ZNF773: variants seen among roughly 807,000 people sequenced by gnomAD.
ZNF773 encodes zinc finger protein 419B.
ZNF773 carries 11 observed loss-of-function variants against 12.8 expected under a neutral mutation model. That is an observed-to-expected ratio of 0.86 (90% CI 0.54 to 1.42). ZNF773 has a LOEUF of 1.42. Ranked by LOEUF, ZNF773 falls within the 40% of genes most tolerant of loss-of-function variation. ZNF773 has a pLI of 0.00. For missense variants in ZNF773, 518 were observed against 527.2 expected, an observed-to-expected ratio of 0.98 and a Z score of 0.17; for synonymous variants, 175 against 178.4, an observed-to-expected ratio of 0.98 and a Z score of 0.15.
At chr19:57,511,094 GGCTAGCGTGCAGTGGCATGATCTCA>G (rs1306945290), downstream of ZNF773, among the ~76,000 whole-genome samples, 1 of 149,772 alleles carries the variant, frequency 6.7e-6, no homozygotes, top group Non-Finnish European at 1.5e-5. Context: ...CTGTCACCCA[GGCTAGCGTGCAGTGGCATGATCTCA>G]GCTCACTGCT....
At chr19:57,510,321 CA>C (rs2123278759), downstream of ZNF773, among the ~76,000 whole-genome samples, 1 of 152,208 alleles carries the variant, frequency 6.6e-6, no homozygotes, top group East Asian at 1.9e-4. Flanking sequence ...AAGCATTTTA[CA>C]AAATTCAAAA....
chr19:57,510,256 A>C (rs1235168845), downstream of ZNF773, among the ~76,000 whole-genome samples: 1 of 152,238 alleles, frequency 6.6e-6, no homozygotes, highest in African/African-American at 2.4e-5. Context: ...CAACAATTCA[A>C]ACTCTTTGTT....
At chr19:57,514,813 T>C (rs1447265723), downstream of ZNF773, 7 of 152,236 alleles carry the variant, frequency 4.6e-5, no homozygotes, top group African/African-American at 1.7e-4. Flanking sequence ...TCACAGATTT[T>C]GTAGGAATAA....
intron 1 of ZNF773, among the ~76,000 whole-genome samples, chr19:57,503,667 T>A (rs932458398): frequency 2.0e-5 from 3 of 151,746 alleles, no homozygotes; most frequent in African/African-American, 7.3e-5. Context: ...CTTTTTTTTT[T>A]TTTTTTTAAG....
At position 57,506,851 on chromosome 19, in the gene ZNF773, T is replaced by G. The variant is rs1360420540; in HGVS notation, c.756T>G (p.Cys252Trp). 1 of 1,614,166 alleles carries G rather than the reference T, an allele frequency of 6.2e-7. No homozygotes were observed. Among genetic ancestry groups the G allele is most frequent in the East Asian group, 2.2e-5 (1 of 44,884 alleles). ...AAAGGCCTTATGGGTGTAGTGACTG[T>G]GGAAAATCCTTTAGCCGTAATGCTG... ...TGERPYGCSDCGKSFSRNADL... is the reference protein window; with the variant it reads ...TGERPYGCSDWGKSFSRNADL... The change falls in exon 4 of 4, where the codon TGT becomes TGG. Residue 252 changes from cysteine (C) to tryptophan (W), a missense_variant. Transcript: ENST00000282292.
rs747502640 is a variant in ZNF773 at position 57,507,361 on chromosome 19, A to G, written c.1266A>G (p.Lys422=). The change falls in exon 4 of 4, where the codon AAA becomes AAG. Residue 422 remains lysine, a synonymous_variant. Transcript: ENST00000282292. The part of the protein sequence containing the change: ...AKPYECRECG[K]FFRHSSSLVK... ...CTTATGAGTGCAGGGAATGTGGGAA[A>G]TTTTTTCGCCACAGCTCCAGTCTTG... 11 of 1,612,796 alleles carry G rather than the reference A, an allele frequency of 6.8e-6. No homozygotes were observed. The highest frequency in any genetic ancestry group is 1.7e-5 in the Admixed American group (1 of 59,718).
chr19:57,504,680 C>A lies in ZNF773; in HGVS notation c.57C>A (p.Asp19Glu), dbSNP rs142610374. Residue 19 changes from aspartate to glutamate, a missense_variant, in exon 2 of 4, where the codon GAC becomes GAA. By Grantham distance (45) the Asp-to-Glu change is conservative. Transcript: ENST00000282292. ...PAQQGYVTFE[D>E]VAVYFSQEEW... ...AGCAGGGCTATGTGACCTTTGAGGA[C>A]GTGGCTGTCTACTTCTCCCAGGAGG... 20 of 1,613,188 alleles carry A rather than the reference C, an allele frequency of 1.2e-5. No individual in the cohort carries two copies. The highest frequency in any genetic ancestry group is 2.2e-5 in the South Asian group (2 of 91,014).
downstream of ZNF773, chr19:57,508,461 G>A: frequency 1.5e-6 from 1 of 671,088 alleles, no homozygotes; most frequent in Non-Finnish European, 2.7e-6. Flanking sequence ...ATATTTACTT[G>A]CCATAAACCC....
chr19:57,513,950 TG>T (rs2089816062), downstream of ZNF773: 1 of 152,268 alleles, frequency 6.6e-6, no homozygotes, highest in Non-Finnish European at 1.5e-5. Context: ...ATGCCTTCTC[TG>T]TGCCTTCTGT....
At position 57,506,941 on chromosome 19, in the gene ZNF773, A is replaced by C. The variant is rs1345474723; in HGVS notation, c.846A>C (p.Lys282Asn). 4 of 1,614,190 alleles carry C rather than the reference A, an allele frequency of 2.5e-6. No homozygotes were observed. The highest frequency in any genetic ancestry group is 3.4e-6 in the Non-Finnish European group (4 of 1,180,048). ...EKPFTCSECG[K>N]AFRHNSTLVQ... ...CTTTTACATGCAGTGAATGTGGAAAAGCTTTCAGGCATAATTCCACACTTG... is the reference window on the plus strand; with the variant it reads ...CTTTTACATGCAGTGAATGTGGAAACGCTTTCAGGCATAATTCCACACTTG... The change falls in exon 4 of 4, where the codon AAA becomes AAC. Residue 282 changes from lysine to asparagine, a missense_variant. By Grantham distance (94) the Lys-to-Asn change is moderately conservative. Transcript: ENST00000282292.
downstream of ZNF773, among the ~76,000 whole-genome samples, chr19:57,512,456 T>A (rs1252633397): frequency 2.1e-5 from 3 of 139,558 alleles, no homozygotes; most frequent in African/African-American, 8.1e-5. Context: ...CAGGCTGGAG[T>A]GCAGTGGCAT....
At chr19:57,518,312 A>G (rs1257331423) in exon 5 of ZNF773, 2 of 152,246 alleles carry the variant, frequency 1.3e-5, no homozygotes, top group Non-Finnish European at 2.9e-5. Context: ...TGATAAATCA[A>G]GCAGCTGACC....
chr19:57,508,462 C>A, downstream of ZNF773: 2 of 682,624 alleles, frequency 2.9e-6, no homozygotes, highest in Non-Finnish European at 5.3e-6. Flanking sequence ...TATTTACTTG[C>A]CATAAACCCT....
intron 1 of ZNF773, among the ~76,000 whole-genome samples, chr19:57,502,209 T>C (rs1470658928): frequency 5.9e-5 from 9 of 152,220 alleles, no homozygotes; most frequent in Non-Finnish European, 1.2e-4. Context: ...CCCAAAGTGC[T>C]GGGATTATAG....
intron 1 of ZNF773, 31 bp from the exon 2 acceptor site, chr19:57,504,626 C>T: frequency 6.2e-7 from 1 of 1,611,718 alleles, no homozygotes; most frequent in African/African-American, 1.3e-5. Context: ...AGTAAGGAGA[C>T]CGCAGATAAA....
rs2089748462 is a variant in ZNF773 at position 57,507,153 on chromosome 19, A to T, written c.1058A>T (p.His353Leu). ...AGCCTTATCAATCATTGGCGTGTTCACACTGGAGAAAGGCCTTATGAGTGC... is the reference window on the plus strand; with the variant it reads ...AGCCTTATCAATCATTGGCGTGTTCTCACTGGAGAAAGGCCTTATGAGTGC... ...KSSLINHWRV[H>L]TGERPYECSE... Residue 353 changes from histidine to leucine, a missense_variant, in exon 4 of 4, where the codon CAC (histidine) becomes CTC (leucine). His to Leu is a moderately conservative substitution (Grantham distance 99). Coordinates refer to ENST00000282292, the MANE Select transcript of ZNF773 (RefSeq NM_198542.3). 6.2e-7 allele frequency: 1 copy of T among 1,614,118 alleles called. No individual in the cohort carries two copies. Among genetic ancestry groups the T allele is most frequent in the Admixed American group, 1.7e-5 (1 of 60,012 alleles).
downstream of ZNF773, chr19:57,513,036 C>A: frequency 6.4e-6 from 10 of 1,565,292 alleles, no homozygotes; most frequent in Non-Finnish European, 8.6e-6. Flanking sequence ...GAACCGACAG[C>A]CACAAGTGGC....
At chr19:57,503,899 C>T (rs2089697094) in intron 1 of ZNF773, among the ~76,000 whole-genome samples, 1 of 152,064 alleles carries the variant, frequency 6.6e-6, no homozygotes, top group Non-Finnish European at 1.5e-5. Flanking sequence ...CTCAGGTGAT[C>T]CACCTGCCTC....
At position 57,504,779 on chromosome 19, in the gene ZNF773, C is replaced by T. The variant is rs2089710170; in HGVS notation, c.156C>T (p.Ala52=). 6.2e-7 allele frequency: 1 copy of T among 1,613,226 alleles called. No individual in the cohort carries two copies. Residue 52 remains alanine, a synonymous_variant, in exon 2 of 4, where the codon GCC becomes GCT. Transcript: ENST00000282292. The part of the protein sequence containing the change: ...NVMLENFTLL[A]SLGLASSKTH... ...TGCTGGAGAACTTTACACTTCTGGC[C>T]TCTCTGGGTAAGGTTCTCACACCCC...
Sources: allele counts gnomAD v4.1 joint callset (sites outside exome capture counted in the v4.1 genomes callset), GRCh38; gene constraint gnomAD v4.1.1; transcripts MANE v1.5; gene names NCBI Gene and HGNC (gene_info 2026-07-23, HGNC 2026-07-21).